Variants in ADCY1 observed in about 807,000 individuals in gnomAD.
ADCY1 encodes adenylate cyclase type 1.
In ADCY1, 28 loss-of-function variants were observed where a neutral mutation model predicts 105.4. That is an observed-to-expected ratio of 0.27 (90% CI 0.20 to 0.36). The LOEUF is 0.36. Ranked by LOEUF, ADCY1 falls within the 10% of genes least tolerant of loss-of-function variation. The probability of loss-of-function intolerance (pLI) is 1.00; values close to 1 mark genes in which losing one functional copy is unlikely to be tolerated. For synonymous variants in ADCY1, 655 were observed against 623.8 expected, an observed-to-expected ratio of 1.05 and a Z score of -0.75; for missense variants, 977 against 1,434.2, an observed-to-expected ratio of 0.68 and a Z score of 5.15.
rs956528720 is a variant in ADCY1 at position 45,720,021 on chromosome 7, C to T, written c.*6026C>T. 4 of 151,956 alleles carry T rather than the reference C, an allele frequency of 2.6e-5. No individual in the cohort carries two copies. Among genetic ancestry groups the T allele is most frequent in the Non-Finnish European group, 5.9e-5 (4 of 67,990 alleles). The allele number at this position is 151,956 out of a possible 1,614,324, so 9.4% of individuals were successfully genotyped here. ...GGTGTGCAGAGGCTGTAGAGAGAGC[C>T]TCAGGGCGGTGACCGCTGCAGGAAT... On this transcript the variant is annotated 3_prime_UTR_variant, in exon 20 of 20. Coordinates refer to ENST00000297323, the MANE Select transcript of ADCY1 (RefSeq NM_021116.4).
At chr7:45,623,593 C>T (rs143884924) in intron 4 of ADCY1, among the ~76,000 whole-genome samples, 7 of 152,346 alleles carry the variant, frequency 4.6e-5, no homozygotes, top group African/African-American at 1.2e-4. Context: ...TCCTACCCCT[C>T]GTTTTCCTCC....
intron 1 of ADCY1, among the ~76,000 whole-genome samples, chr7:45,583,384 A>G (rs934013304): frequency 2.0e-5 from 3 of 152,240 alleles, no homozygotes; most frequent in Non-Finnish European, 2.9e-5. Flanking sequence ...CCTGCACTAC[A>G]GCCTCTGAGC....
At chr7:45,668,604 G>A (rs1222588525) in intron 8 of ADCY1, among the ~76,000 whole-genome samples, 1 of 151,998 alleles carries the variant, frequency 6.6e-6, no homozygotes, top group African/African-American at 2.4e-5. Flanking sequence ...TTTTTGTTGT[G>A]TCTTTGCCAG....
intron 6 of ADCY1, among the ~76,000 whole-genome samples, chr7:45,659,171 TCTC>T (rs1207705008): frequency 6.6e-6 from 1 of 152,170 alleles, no homozygotes; most frequent in East Asian, 1.9e-4. Context: ...GGCCTCGTGA[TCTC>T]CTGAGCCCTG....
At chr7:45,623,267 T>G (rs529803247) in intron 4 of ADCY1, among the ~76,000 whole-genome samples, 8 of 152,336 alleles carry the variant, frequency 5.3e-5, no homozygotes, top group Non-Finnish European at 1.2e-4. Flanking sequence ...TGAAAGACCT[T>G]CCTTGGACCA....
At chr7:45,678,339 G>A in intron 10 of ADCY1, 76 bp downstream of exon 10, 1 of 1,414,206 alleles carries the variant, frequency 7.1e-7, no homozygotes, top group South Asian at 1.2e-5. Flanking sequence ...GTGTTTCTGG[G>A]GTTCGTGGTT....
intron 19 of ADCY1, among the ~76,000 whole-genome samples, chr7:45,711,641 A>G (rs1181631807): frequency 4.1e-5 from 1 of 24,344 alleles, no homozygotes; most frequent in Non-Finnish European, 1.1e-4. Flanking sequence ...ATATATATAT[A>G]TATACACACA....
intron 4 of ADCY1, among the ~76,000 whole-genome samples, chr7:45,643,625 G>C (rs1225864551): frequency 6.6e-6 from 1 of 151,708 alleles, no homozygotes; most frequent in Non-Finnish European, 1.5e-5. Context: ...TGATCTTTTA[G>C]GTATAACTGT....
In ADCY1 at chr7:45,636,572, A is replaced by G. The variant is rs555792875; in HGVS notation, c.1021-12098A>G. 2.4e-4 allele frequency among the ~76,000 whole-genome samples: 37 copies of G among 152,234 alleles called. 2 individuals are homozygous for G. In the South Asian group the frequency reaches 7.7e-3, roughly 32 times the overall value. On this transcript the variant is annotated intron_variant, in intron 4 of 19. Transcript: ENST00000297323. ...TTCGTTTGTTTGTTTTTGTTGGGACAGAGTCTCGCTCAGGCTGGAGTGCAG... is the reference window on the plus strand; with the variant it reads ...TTCGTTTGTTTGTTTTTGTTGGGACGGAGTCTCGCTCAGGCTGGAGTGCAG...
At chr7:45,670,307 C>T (rs930803708) in intron 8 of ADCY1, among the ~76,000 whole-genome samples, 4 of 152,188 alleles carry the variant, frequency 2.6e-5, no homozygotes, top group Non-Finnish European at 4.4e-5. Flanking sequence ...TGGCCACTCT[C>T]GTGGATGCCC....
intron 6 of ADCY1, among the ~76,000 whole-genome samples, chr7:45,659,752 G>A (rs1006158020): frequency 1.0e-4 from 15 of 149,510 alleles, no homozygotes; most frequent in Middle Eastern, 3.2e-3. Context: ...GAGTCCTGAT[G>A]TATTCTTTCT....
chr7:45,680,732 G>A (rs1324768808), intron 11 of ADCY1: 1 of 152,200 alleles, frequency 6.6e-6, no homozygotes, highest in East Asian at 1.9e-4. Context: ...AAGTAAAACT[G>A]CTGTTTTTCA....
intron 8 of ADCY1, among the ~76,000 whole-genome samples, chr7:45,666,288 C>A (rs1227521018): frequency 6.6e-6 from 1 of 152,150 alleles, no homozygotes; most frequent in Admixed American, 6.5e-5. Context: ...CTCCCCACTC[C>A]CCCCACACCA....
intron 11 of ADCY1, among the ~76,000 whole-genome samples, chr7:45,684,232 G>C (rs1279830641): frequency 6.6e-6 from 1 of 152,232 alleles, no homozygotes; most frequent in African/African-American, 2.4e-5. Flanking sequence ...GGGACACACT[G>C]CCTTGTCCTT....
chr7:45,658,949 G>A (rs191475917), intron 6 of ADCY1, among the ~76,000 whole-genome samples: 1 of 152,358 alleles, frequency 6.6e-6, no homozygotes, highest in Non-Finnish European at 1.5e-5. Context: ...GCAGGGACTG[G>A]GCCCGGGGAT....
chr7:45,622,801 T>G, intron 4 of ADCY1, 58 bp downstream of exon 4: 1 of 1,364,622 alleles, frequency 7.3e-7, no homozygotes, highest in East Asian at 2.4e-5. Context: ...GGAGTGACGA[T>G]AAGCCAGGTG....
chr7:45,686,602 T>C lies in ADCY1; in HGVS notation c.2383T>C (p.Ser795Pro). Residue 795 changes from serine (S) to proline (P), a missense_variant, in exon 14 of 20, where the codon TCC becomes CCC. Around this residue, in one of 7 missense-constraint regions of ADCY1, gnomAD observed 275 missense variants for 362.1 expected, o/e 0.76. Coordinates refer to ENST00000297323, the MANE Select transcript of ADCY1 (RefSeq NM_021116.4). The surrounding 1 kb of genome is among the most constrained non-coding windows in gnomAD (Gnocchi z 4.3). ...GCCGATTGTGGCCATCCTGCTCTTCTCCTGTGCGCTGGCCCTGCATGCCAG... is the reference window on the plus strand; with the variant it reads ...GCCGATTGTGGCCATCCTGCTCTTCCCCTGTGCGCTGGCCCTGCATGCCAG... Reference protein sequence around the residue: ...YEPIVAILLFSCALALHARQV... With the variant: ...YEPIVAILLFPCALALHARQV... The C allele has an allele frequency of 6.2e-7, 1 of 1,613,720 alleles. No homozygotes were observed. The highest frequency in any genetic ancestry group is 2.2e-5 in the East Asian group (1 of 44,874).
At chr7:45,633,574 C>T (rs1375390202) in intron 4 of ADCY1, among the ~76,000 whole-genome samples, 2 of 152,044 alleles carry the variant, frequency 1.3e-5, no homozygotes, top group African/African-American at 4.8e-5. Flanking sequence ...GAGGCCAAGG[C>T]GGGCGGATCA....
At chr7:45,704,768 G>C in intron 17 of ADCY1, 152 bp downstream of exon 17, 2 of 638,350 alleles carry the variant, frequency 3.1e-6, no homozygotes, top group South Asian at 1.9e-5. Flanking sequence ...TCCGTGGCTG[G>C]CTCTCTCCAG....
Sources: gnomAD v4.1 joint callset for allele counts (sites outside exome capture counted in the v4.1 genomes callset) on GRCh38, gnomAD v4.1.1 for gene constraint, gnomAD v4.1.1 regional missense constraint, Gnocchi (gnomAD v3.1) non-coding constraint, MANE v1.5 for transcripts, NCBI Gene and HGNC (gene_info 2026-07-23, HGNC 2026-07-21) for gene names.